The following CCDC179 variants were observed in gnomAD, a reference collection of about 807,000 sequenced individuals.
CCDC179 encodes coiled-coil domain containing 179, also known as coiled-coil domain-containing protein 179.
In CCDC179, 17 loss-of-function variants were observed where a neutral mutation model predicts 12.0. The observed-to-expected ratio is 1.42, with a 90% CI of 0.97 to 2.13. The LOEUF (loss-of-function observed/expected upper bound fraction) is 2.13. Ranked by LOEUF, CCDC179 falls within the 30% of genes most tolerant of loss-of-function variation. The pLI is 0.00. For missense variants in CCDC179, 83 were observed against 78.6 expected (o/e 1.06, Z -0.21); for synonymous variants, 27 against 26.4 (o/e 1.02, Z -0.07).
intron 3 of CCDC179, 70 bp from the exon 4 acceptor site, chr11:22,847,591 A>G: frequency 1.3e-6 from 1 of 770,102 alleles, no homozygotes; most frequent in Non-Finnish European, 1.9e-6. Context: ...GATTAGATAT[A>G]CTATAAATTA....
chr11:22,852,555 A>G (rs1590190562), intron 3 of CCDC179, among the ~76,000 whole-genome samples: 4 of 152,302 alleles, frequency 2.6e-5, no homozygotes, highest in Admixed American at 2.0e-4. Flanking sequence ...GCAGCCCCAC[A>G]TGGACCCAAG....
chr11:22,850,980 T>TTC (rs1858384713), intron 3 of CCDC179, among the ~76,000 whole-genome samples: 1 of 35,096 alleles, frequency 2.8e-5, no homozygotes, highest in Non-Finnish European at 6.4e-5. Context: ...ATATATATTT[T>TTC]TTTTTTTTTT....
chr11:22,854,863 G>A (rs1207191278), intron 3 of CCDC179, among the ~76,000 whole-genome samples: 5 of 151,714 alleles, frequency 3.3e-5, no homozygotes, highest in Non-Finnish European at 5.9e-5. Flanking sequence ...GTGTCAAAGG[G>A]ATGGAGAAAG....
At chr11:22,850,446 G>A (rs556552351) in intron 3 of CCDC179, among the ~76,000 whole-genome samples, 1 of 152,144 alleles carries the variant, frequency 6.6e-6, no homozygotes, top group African/African-American at 2.4e-5. Flanking sequence ...TTTTATGGCT[G>A]TTCTATTTTA....
At chr11:22,848,449 A>G (rs1053624857) in intron 3 of CCDC179, among the ~76,000 whole-genome samples, 8 of 144,810 alleles carry the variant, frequency 5.5e-5, no homozygotes, top group Middle Eastern at 3.6e-3. Flanking sequence ...GTCTCAAAAG[A>G]AAAAAAAAAA....
At chr11:22,854,890 G>A (rs1419381863) in intron 3 of CCDC179, among the ~76,000 whole-genome samples, 1 of 151,670 alleles carries the variant, frequency 6.6e-6, no homozygotes, top group African/African-American at 2.4e-5. Context: ...ATTGCTAACA[G>A]TAATCAACAG....
chr11:22,858,544 T>TA (rs1365037801), intron 2 of CCDC179, among the ~76,000 whole-genome samples: 3 of 38,888 alleles, frequency 7.7e-5, no homozygotes, highest in Non-Finnish European at 2.1e-4. Flanking sequence ...TAACAATAAC[T>TA]TTTTTATCCA....
chr11:22,848,589 G>A (rs1038806466), intron 3 of CCDC179, among the ~76,000 whole-genome samples: 17 of 152,134 alleles, frequency 1.1e-4, no homozygotes, highest in African/African-American at 4.1e-4. Context: ...TTATTTGTAG[G>A]AATTCAGGCT....
At chr11:22,859,060 G>A (rs1858602631) in intron 2 of CCDC179, among the ~76,000 whole-genome samples, 1 of 152,084 alleles carries the variant, frequency 6.6e-6, no homozygotes, top group Non-Finnish European at 1.5e-5. Context: ...TATTAAAGAA[G>A]AGGAAGAGAT....
chr11:22,850,953 TATATATA>T (rs1858366123), intron 3 of CCDC179, among the ~76,000 whole-genome samples: 1 of 8,298 alleles, frequency 1.2e-4, no homozygotes, highest in Non-Finnish European at 5.3e-4. Flanking sequence ...TATATATATA[TATATATA>T]TATATATATA....
chr11:22,858,762 G>C (rs1226007520), intron 2 of CCDC179, among the ~76,000 whole-genome samples: 1 of 152,024 alleles, frequency 6.6e-6, no homozygotes, highest in Non-Finnish European at 1.5e-5. Context: ...GCAAGAAGAT[G>C]TGTACTAGAA....
chr11:22,850,974 A>ATT (rs1564915186), intron 3 of CCDC179, among the ~76,000 whole-genome samples: 9 of 6,530 alleles, frequency 1.4e-3, no homozygotes, highest in African/African-American at 2.5e-3. Flanking sequence ...ATATATATAT[A>ATT]TATTTTTTTT....
In CCDC179 at chr11:22,850,978, T is replaced by A. The variant is rs866864513; in HGVS notation, c.196-3457A>T. Among the ~76,000 whole-genome samples, 143 of 22,664 alleles carry A rather than the reference T, an allele frequency of 6.3e-3. 1 individual carries two copies. The highest frequency in any genetic ancestry group is 0.011 in the African/African-American group (80 of 7,446). The allele number at this position is 22,664 out of a possible 152,430, so 14.9% of individuals were successfully genotyped here. On this transcript the variant is annotated intron_variant, in intron 3 of 3. Coordinates refer to ENST00000532798, the MANE Select transcript of CCDC179 (RefSeq NM_001195637.2). ...TATATATATATATATATATATATATTTTTTTTTTTTTTTTTTTTTTTTGCT... is the reference window on the plus strand; with the variant it reads ...TATATATATATATATATATATATATATTTTTTTTTTTTTTTTTTTTTTGCT...
chr11:22,850,976 A>ATATATAT (rs1554920538), intron 3 of CCDC179, among the ~76,000 whole-genome samples: 1 of 6,126 alleles, frequency 1.6e-4, no homozygotes, highest in African/African-American at 3.1e-4. Context: ...ATATATATAT[A>ATATATAT]TTTTTTTTTT....
At chr11:22,855,388 A>G (rs1383306667) in intron 3 of CCDC179, among the ~76,000 whole-genome samples, 2 of 151,680 alleles carry the variant, frequency 1.3e-5, no homozygotes, top group Admixed American at 1.3e-4. Context: ...GGAAACCAAT[A>G]ACAAGAAAGA....
At chr11:22,854,274 GA>G (rs1281519286) in intron 3 of CCDC179, among the ~76,000 whole-genome samples, 2 of 150,888 alleles carry the variant, frequency 1.3e-5, no homozygotes, top group East Asian at 1.9e-4. Context: ...CATTAGAAAT[GA>G]AAAAAAAGAA....
intron 3 of CCDC179, among the ~76,000 whole-genome samples, chr11:22,852,061 T>G (rs1858417275): frequency 6.6e-6 from 1 of 152,232 alleles, no homozygotes; most frequent in Non-Finnish European, 1.5e-5. Flanking sequence ...TACCAAATTC[T>G]AAGTGACTTA....
chr11:22,848,084 A>G (rs1043594378), intron 3 of CCDC179, among the ~76,000 whole-genome samples: 3 of 152,224 alleles, frequency 2.0e-5, no homozygotes, highest in Admixed American at 6.5e-5. Flanking sequence ...TTAAAATAAT[A>G]TTTAAGGATA....
intron 3 of CCDC179, among the ~76,000 whole-genome samples, chr11:22,853,814 A>G (rs1251756788): frequency 1.3e-5 from 2 of 152,024 alleles, no homozygotes; most frequent in Non-Finnish European, 2.9e-5. Flanking sequence ...ATGATAGACA[A>G]CAAACCACAG....
Sources: allele counts gnomAD v4.1 joint callset (sites outside exome capture counted in the v4.1 genomes callset), GRCh38; gene constraint gnomAD v4.1.1; transcripts MANE v1.5; gene names NCBI Gene and HGNC (gene_info 2026-07-23, HGNC 2026-07-21).